The following PLB1 variants were observed in gnomAD, a reference collection of about 807,000 sequenced individuals.
PLB1 encodes phospholipase B1, membrane-associated.
PLB1 carries 242 observed loss-of-function variants against 227.4 expected under a neutral mutation model. The ratio of observed to expected loss-of-function variants is 1.06; its 90% confidence interval spans 0.96 to 1.18. PLB1 has a LOEUF of 1.18. Among genes scored for constraint, PLB1 ranks in the 50% most tolerant of loss-of-function variants. PLB1 has a pLI of 0.00. For missense variants in PLB1, 1,858 were observed against 1,816.3 expected (o/e 1.02, Z -0.42); for synonymous variants, 757 against 682.2 (o/e 1.11, Z -1.71).
intron 4 of PLB1, among the ~76,000 whole-genome samples, chr2:28,523,664 T>A (rs561686272): frequency 6.6e-6 from 1 of 151,792 alleles, no homozygotes; most frequent in Admixed American, 6.6e-5. Flanking sequence ...TCCCAACATC[T>A]CTCTTTACCA....
chr2:28,633,677 C>G (rs1227647323), intron 56 of PLB1, among the ~76,000 whole-genome samples: 1 of 152,248 alleles, frequency 6.6e-6, no homozygotes, highest in African/African-American at 2.4e-5. Flanking sequence ...TTCAGGGACA[C>G]CTGCCTGGTG....
chr2:28,551,367 A>G (rs925071996), intron 16 of PLB1, among the ~76,000 whole-genome samples: 4 of 152,194 alleles, frequency 2.6e-5, no homozygotes, highest in African/African-American at 4.8e-5. Flanking sequence ...AGCAAGGAAC[A>G]CTCAAGGGTT....
At chr2:28,627,975 G>A (rs1455942559) in intron 51 of PLB1, among the ~76,000 whole-genome samples, 1 of 152,168 alleles carries the variant, frequency 6.6e-6, no homozygotes, top group Non-Finnish European at 1.5e-5. Flanking sequence ...GCAAAGCCCT[G>A]AGATTCAGCC....
intron 20 of PLB1, among the ~76,000 whole-genome samples, chr2:28,568,033 T>C (rs1376918838): frequency 1.3e-5 from 2 of 152,184 alleles, no homozygotes; most frequent in Admixed American, 6.5e-5. Context: ...GGGGACATCA[T>C]AGCTTAATCT....
intron 4 of PLB1, among the ~76,000 whole-genome samples, chr2:28,524,474 T>TA (rs1449206337): frequency 1.3e-5 from 2 of 152,154 alleles, no homozygotes; most frequent in Non-Finnish European, 2.9e-5. Context: ...ATCGGAAACT[T>TA]ACCTTGTTCG....
At chr2:28,564,681 G>C (rs1283168997) in intron 18 of PLB1, among the ~76,000 whole-genome samples, 2 of 152,126 alleles carry the variant, frequency 1.3e-5, no homozygotes, top group Non-Finnish European at 2.9e-5. Flanking sequence ...GATCACACCT[G>C]GGGGGCCTCT....
Position 28,629,236 on chromosome 2 carries a change from G to A in PLB1, c.3818+51G>A, listed in dbSNP as rs1301295079. ...GGCAAGGGCACCTGGGGTGAGGAGG[G>A]CTTGCAGGTGCCAAAGGAGGAGACC... On this transcript the variant is annotated intron_variant, in intron 53 of 57. Coordinates refer to ENST00000327757, the MANE Select transcript of PLB1 (RefSeq NM_153021.5). 3.2e-6 allele frequency: 5 copies of A among 1,550,476 alleles called. No individual in the cohort carries two copies. The East Asian group carries it at 1.1e-4, about 35-fold the overall frequency.
At chr2:28,629,957 CT>C (rs1688363876) in intron 53 of PLB1, among the ~76,000 whole-genome samples, 1 of 152,154 alleles carries the variant, frequency 6.6e-6, no homozygotes, top group Non-Finnish European at 1.5e-5. Flanking sequence ...AATGGATTTG[CT>C]GCAAAGGTGA....
At chr2:28,568,684 G>A (rs541667118) in intron 20 of PLB1, among the ~76,000 whole-genome samples, 1 of 152,300 alleles carries the variant, frequency 6.6e-6, no homozygotes, top group East Asian at 1.9e-4. Flanking sequence ...TCTTCCTAAA[G>A]ACAGACACAT....
chr2:28,566,805 A>G lies in PLB1; in HGVS notation c.1290A>G (p.Gly430=). The part of the protein sequence containing the change: ...QYRGLSWSVG[G]DENIGTVTTL... ...TGGACCCACGTTACAGCGTCGGCGG[A>G]GATGAGAACATCGGCACCGTTACCA... The change falls in exon 20 of 58, where the codon GGA becomes GGG. Residue 430 remains glycine, a synonymous_variant. Coordinates refer to ENST00000327757, the MANE Select transcript of PLB1 (RefSeq NM_153021.5). 1 of 1,614,036 alleles carries G rather than the reference A, an allele frequency of 6.2e-7. No homozygotes were observed. The highest frequency in any genetic ancestry group is 8.5e-7 in the Non-Finnish European group (1 of 1,180,012).
At chr2:28,620,203 G>T (rs1686828766) in intron 46 of PLB1, 62 bp from the exon 47 acceptor site, 3 of 1,189,332 alleles carry the variant, frequency 2.5e-6, no homozygotes, top group Admixed American at 2.8e-5. Flanking sequence ...AGGGCCAGAG[G>T]AGGCTCTTCC....
intron 57 of PLB1, among the ~76,000 whole-genome samples, chr2:28,642,343 G>GAGAA (rs35877560): frequency 0.41 from 61,788 of 151,842 alleles, 12,751 homozygotes; most frequent in African/African-American, 0.48. Context: ...CATTCACTGA[G>GAGAA]AGGAGAGTGG....
intron 17 of PLB1, among the ~76,000 whole-genome samples, chr2:28,554,318 TAGAG>T (rs10601884): frequency 0.011 from 1,708 of 150,264 alleles, 19 homozygotes; most frequent in Middle Eastern, 0.021. Flanking sequence ...TATGTCTATA[TAGAG>T]AGAGAGAGAG....
intron 55 of PLB1, 23 bp from the exon 56 acceptor site, chr2:28,632,921 A>C (rs1246043320): frequency 1.3e-6 from 2 of 1,577,174 alleles, no homozygotes; most frequent in African/African-American, 1.5e-5. Flanking sequence ...CCAGGATGAT[A>C]ACCTCCTTGC....
At chr2:28,641,433 C>A (rs1393799686) in intron 57 of PLB1, among the ~76,000 whole-genome samples, 2 of 152,182 alleles carry the variant, frequency 1.3e-5, no homozygotes, top group East Asian at 1.9e-4. Context: ...CATAGTGAAA[C>A]CCCGTCTCTA....
At chr2:28,560,986 C>T (rs142936115) in intron 17 of PLB1, among the ~76,000 whole-genome samples, 305 of 152,328 alleles carry the variant, frequency 2.0e-3, no homozygotes, top group African/African-American at 7.0e-3. Context: ...CACCCGATCT[C>T]GCTCTCCCTC....
At chr2:28,506,342 G>C (rs577474888) in intron 1 of PLB1, among the ~76,000 whole-genome samples, 1 of 152,262 alleles carries the variant, frequency 6.6e-6, no homozygotes, top group South Asian at 2.1e-4. Context: ...CTCACTGAAG[G>C]GTGAGTGGGA....
intron 9 of PLB1, among the ~76,000 whole-genome samples, chr2:28,534,168 T>G (rs941813085): frequency 6.6e-6 from 1 of 152,238 alleles, no homozygotes; most frequent in African/African-American, 2.4e-5. Flanking sequence ...ATGAGTTTAT[T>G]TCTCTTCCAT....
At chr2:28,496,212 C>T (rs1666415098) in intron 1 of PLB1, 43 bp downstream of exon 1, 1 of 1,583,042 alleles carries the variant, frequency 6.3e-7, no homozygotes, top group Middle Eastern at 1.7e-4. Context: ...TGGTTTAGCC[C>T]CGCTGGTGTC....
Sources: gnomAD v4.1 joint callset for allele counts (sites outside exome capture counted in the v4.1 genomes callset) on GRCh38, gnomAD v4.1.1 for gene constraint, MANE v1.5 for transcripts, NCBI Gene and HGNC (gene_info 2026-07-23, HGNC 2026-07-21) for gene names.